The following ADCY9 variants were observed in gnomAD, a reference collection of about 807,000 sequenced individuals.
The protein encoded by ADCY9 is adenylate cyclase type 9.
ADCY9 carries 50 observed loss-of-function variants against 101.5 expected under a neutral mutation model. The ratio of observed to expected loss-of-function variants is 0.49; its 90% CI spans 0.39 to 0.62. ADCY9 has a LOEUF of 0.62. Ranked by LOEUF, ADCY9 falls within the 20% of genes least tolerant of loss-of-function variation. ADCY9 has a pLI of 0.00. For synonymous variants in ADCY9, 905 were observed against 769.3 expected (o/e 1.18, Z -2.92); for missense variants, 1,662 against 1,800.4 (o/e 0.92, Z 1.39).
At chr16:4,055,599 C>T (rs2056732436) in intron 2 of ADCY9, among the ~76,000 whole-genome samples, 1 of 151,454 alleles carries the variant, frequency 6.6e-6, no homozygotes, top group African/African-American at 2.4e-5. Context: ...TTTGGGAGGC[C>T]GGGGTGGGGG....
At chr16:4,098,317 T>C (rs1174117807) in intron 2 of ADCY9, among the ~76,000 whole-genome samples, 1 of 151,922 alleles carries the variant, frequency 6.6e-6, no homozygotes, top group Non-Finnish European at 1.5e-5. Context: ...CTCAGCAACC[T>C]CTGCCTCCCG....
rs953521308 is a variant in ADCY9 at position 4,079,641 on chromosome 16, GAATGGTGTTTAATGGTGTT to G, written c.1693+34090_1693+34108del. ...AAGTGGAAAGGTATTCATGATCCAT[GAATGGTGTTTAATGGTGTT>G]AATGGTGTTTAATGGTGTTAATGGT... On this transcript the variant is annotated intron_variant, in intron 2 of 10. Transcript: ENST00000294016. Among the ~76,000 whole-genome samples, 84 of 152,282 alleles carry G rather than the reference GAATGGTGTTTAATGGTGTT, an allele frequency of 5.5e-4. 1 individual carries two copies. Among genetic ancestry groups the G allele is most frequent in the South Asian group, 1.0e-3 (5 of 4,820 alleles).
intron 2 of ADCY9, among the ~76,000 whole-genome samples, chr16:4,030,348 C>T (rs1436334501): frequency 6.6e-6 from 1 of 152,002 alleles, no homozygotes; most frequent in Non-Finnish European, 1.5e-5. Context: ...CCAGCGTAAG[C>T]AACAGGCAAC....
At chr16:4,095,869 C>T (rs968241217) in intron 2 of ADCY9, among the ~76,000 whole-genome samples, 1 of 150,366 alleles carries the variant, frequency 6.7e-6, no homozygotes, top group African/African-American at 2.4e-5. Flanking sequence ...CCCAGCTACT[C>T]GAGAGGCTGA....
chr16:3,953,829 C>T, intron 5 of ADCY9, among the ~76,000 whole-genome samples: 1 of 152,214 alleles, frequency 6.6e-6, no homozygotes, highest in East Asian at 1.9e-4. Context: ...GCAAAAACAT[C>T]AGGTTCTGGC....
At chr16:4,076,844 A>C (rs1324769301) in intron 2 of ADCY9, among the ~76,000 whole-genome samples, 6 of 152,112 alleles carry the variant, frequency 3.9e-5, no homozygotes, top group Non-Finnish European at 8.8e-5. Flanking sequence ...TGGGAGGCCA[A>C]GGGAGGAGGA....
intron 2 of ADCY9, among the ~76,000 whole-genome samples, chr16:4,087,828 TCTTC>T (rs148661176): frequency 0.034 from 5,040 of 147,274 alleles, 549 homozygotes; most frequent in African/African-American, 0.13. Flanking sequence ...TCTCTCTCTC[TCTTC>T]CTTCCTTCCT....
chr16:4,098,666 C>T (rs572003034), intron 2 of ADCY9, among the ~76,000 whole-genome samples: 1 of 152,256 alleles, frequency 6.6e-6, no homozygotes, highest in East Asian at 1.9e-4. Context: ...TCTTAAGATA[C>T]ATTCCAGTGG....
At chr16:4,027,542 G>A (rs2056524483) in intron 2 of ADCY9, among the ~76,000 whole-genome samples, 1 of 152,170 alleles carries the variant, frequency 6.6e-6, no homozygotes, top group Non-Finnish European at 1.5e-5. Context: ...CATGACGGCA[G>A]GGAAGAGAGA....
chr16:3,988,755 G>A (rs1466551321), intron 6 of ADCY9, among the ~76,000 whole-genome samples: 1 of 152,188 alleles, frequency 6.6e-6, no homozygotes, highest in Non-Finnish European at 1.5e-5. Context: ...CACGGCAGAG[G>A]AAAGGGGCTA....
intron 2 of ADCY9, among the ~76,000 whole-genome samples, chr16:4,033,118 C>T (rs2056567174): frequency 6.6e-6 from 1 of 152,184 alleles, no homozygotes; most frequent in Admixed American, 6.5e-5. Context: ...GATGGCCATT[C>T]TTTATGAGTA....
intron 2 of ADCY9, among the ~76,000 whole-genome samples, chr16:4,077,295 C>A (rs1324626004): frequency 6.6e-6 from 1 of 152,138 alleles, no homozygotes; most frequent in Non-Finnish European, 1.5e-5. Flanking sequence ...CTTCCTGTGA[C>A]ATCTGGAGAG....
chr16:4,001,008 C>CAT (rs574175248), intron 3 of ADCY9, among the ~76,000 whole-genome samples: 93 of 135,718 alleles, frequency 6.9e-4, no homozygotes, highest in South Asian at 2.8e-3. Flanking sequence ...CACACACACA[C>CAT]ATATATAATT....
intron 2 of ADCY9, among the ~76,000 whole-genome samples, chr16:4,023,468 G>C (rs35714728): frequency 0.051 from 7,650 of 151,326 alleles, 244 homozygotes; most frequent in Non-Finnish European, 0.079. Flanking sequence ...TCTGGGGAAG[G>C]CACGAGGGAT....
At chr16:4,081,730 GT>G in intron 2 of ADCY9, among the ~76,000 whole-genome samples, 1 of 149,592 alleles carries the variant, frequency 6.7e-6, no homozygotes. Context: ...CTGCAGGGGC[GT>G]GTGGGTAAAA....
At chr16:4,048,074 T>C (rs910927404) in intron 2 of ADCY9, among the ~76,000 whole-genome samples, 7 of 149,542 alleles carry the variant, frequency 4.7e-5, no homozygotes, top group African/African-American at 1.7e-4. Flanking sequence ...AAACAGGTCC[T>C]AGTCTGGGAA....
chr16:4,103,011 G>A (rs993942342), intron 2 of ADCY9, among the ~76,000 whole-genome samples: 7 of 152,116 alleles, frequency 4.6e-5, no homozygotes, highest in African/African-American at 1.7e-4. Flanking sequence ...CACGAGCCAT[G>A]GCCAGCTCGA....
At chr16:4,008,507 T>C (rs2056382219) in intron 2 of ADCY9, among the ~76,000 whole-genome samples, 1 of 152,098 alleles carries the variant, frequency 6.6e-6, no homozygotes, top group Non-Finnish European at 1.5e-5. Flanking sequence ...TTAAATAACA[T>C]TTATTTCAGG....
At chr16:4,034,236 G>A (rs140237374) in intron 2 of ADCY9, among the ~76,000 whole-genome samples, 2 of 152,228 alleles carry the variant, frequency 1.3e-5, no homozygotes, top group Admixed American at 6.5e-5. Flanking sequence ...GACGCAAAAC[G>A]AACTCACTAC....
Sources: allele counts gnomAD v4.1 joint callset (sites outside exome capture counted in the v4.1 genomes callset), GRCh38; gene constraint gnomAD v4.1.1; transcripts MANE v1.5; gene names NCBI Gene and HGNC (gene_info 2026-07-23, HGNC 2026-07-21).